Variants in ARHGEF33 observed in about 807,000 individuals in gnomAD.
ARHGEF33 encodes the protein DH and coiled-coil domain-containing protein ENSP00000381780.
ARHGEF33 carries 72 observed loss-of-function variants against 101.9 expected under a neutral mutation model. The observed-to-expected ratio is 0.71, with a 90% CI of 0.58 to 0.86. The LOEUF is 0.86. Among genes scored for constraint, ARHGEF33 ranks in the 40% least tolerant of loss-of-function variants. The probability of loss-of-function intolerance (pLI) is 0.00; values close to 1 mark genes in which losing one functional copy is unlikely to be tolerated. For missense variants in ARHGEF33, 1,169 were observed against 1,111.3 expected (o/e 1.05, Z -0.74); for synonymous variants, 499 against 442.5 (o/e 1.13, Z -1.60).
rs776685608 is a variant in ARHGEF33, at chr2:38,905,184, G to GA, written c.-86+9346dup. 3.3e-3 allele frequency among the ~76,000 whole-genome samples: 463 copies of GA among 141,382 alleles called. 2 individuals carry two copies. Among genetic ancestry groups the GA allele is most frequent in the Admixed American group, 6.3e-3 (89 of 14,174 alleles). The allele number at this position is 141,382 out of a possible 152,430, so 92.8% of individuals were successfully genotyped here. A position where few individuals can be genotyped will look rare whatever the true frequency, so the allele number is the denominator to read the frequency against. ...GGTGACCAAGGACATTCATTTAGCC[G>GA]AAAAAAAAAAAGCCAGTTTTGTTTC... On this transcript the variant is annotated intron_variant, in intron 2 of 17. Coordinates refer to ENST00000409978, the MANE Select transcript of ARHGEF33 (RefSeq NM_001145451.5).
Position 38,954,255 on chromosome 2 carries a change from T to C in ARHGEF33, c.1138-118T>C, listed in dbSNP as rs1487397058. On this transcript the variant is annotated intron_variant, in intron 12 of 17. Coordinates refer to ENST00000409978, the MANE Select transcript of ARHGEF33 (RefSeq NM_001145451.5). ...ATGAGACAGCAATGCTCTATGACAATCTCTGGGAAGAAAATGCTCTGGGAG... is the reference window on the plus strand; with the variant it reads ...ATGAGACAGCAATGCTCTATGACAACCTCTGGGAAGAAAATGCTCTGGGAG... 4.5e-6 allele frequency: 3 copies of C among 660,988 alleles called. No homozygotes were observed. In the Admixed American group the frequency reaches 7.1e-5, roughly 16 times the overall value. The allele number at this position is 660,988 out of a possible 1,614,324, so 40.9% of individuals were successfully genotyped here. A position where few individuals can be genotyped will look rare whatever the true frequency, so the allele number is the denominator to read the frequency against.
chr2:38,892,996 A>G (rs1666038856), intron 1 of ARHGEF33, among the ~76,000 whole-genome samples: 1 of 152,098 alleles, frequency 6.6e-6, no homozygotes, highest in Middle Eastern at 3.2e-3. Context: ...AACATTTTCA[A>G]TGACTCATTC....
intron 1 of ARHGEF33, among the ~76,000 whole-genome samples, chr2:38,893,323 C>G (rs1447980278): frequency 2.0e-5 from 3 of 151,996 alleles, no homozygotes; most frequent in Non-Finnish European, 4.4e-5. Flanking sequence ...CCACCATGGG[C>G]TAATTTTTGT....
chr2:38,954,266 A>G, intron 12 of ARHGEF33, 107 bp from the exon 13 acceptor site: 1 of 679,020 alleles, frequency 1.5e-6, no homozygotes, highest in Non-Finnish European at 2.6e-6. Flanking sequence ...CTCTGGGAAG[A>G]AAATGCTCTG....
At chr2:38,940,523 T>C (rs1667276823) in intron 9 of ARHGEF33, among the ~76,000 whole-genome samples, 1 of 152,142 alleles carries the variant, frequency 6.6e-6, no homozygotes, top group Admixed American at 6.6e-5. Flanking sequence ...TCCAGTCTTC[T>C]TAAGAATTCC....
intron 2 of ARHGEF33, among the ~76,000 whole-genome samples, chr2:38,910,830 C>T (rs557083642): frequency 6.6e-6 from 1 of 152,092 alleles, no homozygotes; most frequent in Non-Finnish European, 1.5e-5. Context: ...TTTTTAGTGA[C>T]AATGGTACCT....
chr2:38,917,298 G>T (rs1666655653), intron 2 of ARHGEF33, among the ~76,000 whole-genome samples: 1 of 151,644 alleles, frequency 6.6e-6, no homozygotes, highest in Non-Finnish European at 1.5e-5. Context: ...CACCATGTTG[G>T]CCAGGCTGAT....
intron 16 of ARHGEF33, among the ~76,000 whole-genome samples, chr2:38,965,770 T>G (rs763162123): frequency 6.6e-6 from 1 of 152,232 alleles, no homozygotes; most frequent in Non-Finnish European, 1.5e-5. Flanking sequence ...TGTTATATAT[T>G]ACACTAGACT....
chr2:38,944,115 G>A (rs922539641), intron 10 of ARHGEF33, 85 bp downstream of exon 10: 22 of 1,402,004 alleles, frequency 1.6e-5, no homozygotes, highest in Admixed American at 2.7e-5. Context: ...GGGATTTCTG[G>A]GGCCTATGAA....
chr2:38,932,607 G>C (rs1667033648), intron 7 of ARHGEF33, among the ~76,000 whole-genome samples: 1 of 152,202 alleles, frequency 6.6e-6, no homozygotes, highest in African/African-American at 2.4e-5. Flanking sequence ...CTGGGAAAGA[G>C]TATAGTATAG....
intron 4 of ARHGEF33, among the ~76,000 whole-genome samples, chr2:38,927,434 G>A (rs1432442993): frequency 3.9e-5 from 6 of 152,208 alleles, no homozygotes; most frequent in Admixed American, 1.3e-4. Flanking sequence ...AGTGGCTCAC[G>A]CCTGTAATCC....
intron 17 of ARHGEF33, chr2:38,973,078 G>A (rs1473205096): frequency 6.6e-6 from 1 of 152,280 alleles, no homozygotes; most frequent in African/African-American, 2.4e-5. Flanking sequence ...GCTTAAGCAA[G>A]ATAAAGGAAG....
At chr2:38,955,481 C>CTTT (rs3085350) in intron 13 of ARHGEF33, among the ~76,000 whole-genome samples, 48,864 of 71,100 alleles carry the variant, frequency 0.69, 19,788 homozygotes, top group Non-Finnish European at 0.78. Context: ...ATTGAAAAGA[C>CTTT]TTTTTTTTTT....
intron 2 of ARHGEF33, among the ~76,000 whole-genome samples, chr2:38,899,084 G>GT (rs200674653): frequency 0.013 from 2,017 of 151,712 alleles, 48 homozygotes; most frequent in African/African-American, 0.046. Flanking sequence ...AACTTCTGTG[G>GT]TTTTTTTTAG....
At chr2:38,891,215 T>G (rs1220174885) in intron 1 of ARHGEF33, among the ~76,000 whole-genome samples, 1 of 152,144 alleles carries the variant, frequency 6.6e-6, no homozygotes, top group Non-Finnish European at 1.5e-5. Context: ...ATTACAGGTG[T>G]GAGCCACCAT....
rs562299265 is a variant in ARHGEF33 at position 38,952,323 on chromosome 2, G to A, written c.1054-839G>A. Among the ~76,000 whole-genome samples the A allele has an allele frequency of 5.9e-5, 9 of 152,168 alleles. No homozygotes were observed. In the South Asian group the frequency reaches 1.4e-3, roughly 25 times the overall value. On this transcript the variant is annotated intron_variant, in intron 11 of 17. Transcript: ENST00000409978. ...ATTTTTACTCACTTGTGTTCAGTATGCTTCCTTTAGCTGAGAATTATTATA... is the reference window on the plus strand; with the variant it reads ...ATTTTTACTCACTTGTGTTCAGTATACTTCCTTTAGCTGAGAATTATTATA...
At chr2:38,928,634 G>A (rs527823419) in intron 4 of ARHGEF33, 31 of 223,954 alleles carry the variant, frequency 1.4e-4, no homozygotes, top group Admixed American at 5.1e-4. Flanking sequence ...AGAATAAATC[G>A]AAGCTTGCAG....
At chr2:38,903,117 C>T (rs1666286087) in intron 2 of ARHGEF33, among the ~76,000 whole-genome samples, 1 of 152,112 alleles carries the variant, frequency 6.6e-6, no homozygotes, top group South Asian at 2.1e-4. Context: ...CCAGGATTTC[C>T]ACAAATGAGC....
At chr2:38,892,949 T>C (rs1666037942) in intron 1 of ARHGEF33, among the ~76,000 whole-genome samples, 1 of 152,212 alleles carries the variant, frequency 6.6e-6, no homozygotes, top group Admixed American at 6.5e-5. Flanking sequence ...AGTCATCTTC[T>C]TACCAGAGAT....
Sources: gnomAD v4.1 joint callset for allele counts (sites outside exome capture counted in the v4.1 genomes callset) on GRCh38, gnomAD v4.1.1 for gene constraint, MANE v1.5 for transcripts, NCBI Gene and HGNC (gene_info 2026-07-23, HGNC 2026-07-21) for gene names.